PLXNA4: variants seen among roughly 807,000 people sequenced by gnomAD.
The protein encoded by PLXNA4 is plexin-A4.
Under a neutral mutation model 191.8 loss-of-function variants are expected in PLXNA4, and 44 were observed. The observed-to-expected ratio is 0.23, with a 90% CI of 0.18 to 0.29. PLXNA4 has a LOEUF of 0.29. Ranked by LOEUF, PLXNA4 falls within the 10% of genes least tolerant of loss-of-function variation. The pLI is 1.00. For missense variants in PLXNA4, 1,800 were observed against 2,488.8 expected (o/e 0.72, Z 5.89); for synonymous variants, 1,082 against 1,009.5 (o/e 1.07, Z -1.36).
At chr7:132,642,617 C>G (rs891416977) in intron 2 of PLXNA4, among the ~76,000 whole-genome samples, 47 of 152,144 alleles carry the variant, frequency 3.1e-4, no homozygotes, top group Admixed American at 3.1e-3. Flanking sequence ...AGCAGAGATA[C>G]AGGCAGAGGC....
At chr7:132,456,273 G>C (rs1373943518) in intron 3 of PLXNA4, among the ~76,000 whole-genome samples, 3 of 151,990 alleles carry the variant, frequency 2.0e-5, no homozygotes, top group African/African-American at 7.2e-5. Flanking sequence ...CACCATGCCT[G>C]GCTAATTTTT....
chr7:132,240,067 C>T (rs1798826131), intron 5 of PLXNA4, among the ~76,000 whole-genome samples: 1 of 152,188 alleles, frequency 6.6e-6, no homozygotes, highest in Admixed American at 6.5e-5. Flanking sequence ...CCTTCTTATA[C>T]TTGAAAATTA....
Position 132,133,217 on chromosome 7 carries a change from T to A in PLXNA4, c.5439-18A>T, listed in dbSNP as rs2116506055. 6.2e-7 allele frequency: 1 copy of A among 1,613,066 alleles called. No individual in the cohort carries two copies. The highest frequency in any genetic ancestry group is 1.1e-5 in the South Asian group (1 of 90,922). On this transcript the variant is annotated intron_variant, in intron 30 of 31. Transcript: ENST00000321063. The stretch of plus-strand genomic sequence containing the variant: ...AGTAATACCTGTGGAGGGATGGAAA[T>A]AGGGAGAAGCTGAAGTCGTGCATAC...
chr7:132,472,078 C>A (rs1014448654), intron 3 of PLXNA4, among the ~76,000 whole-genome samples: 1 of 152,176 alleles, frequency 6.6e-6, no homozygotes, highest in African/African-American at 2.4e-5. Context: ...TTGCTTGTAA[C>A]CACGCTCCAT....
At chr7:132,253,888 G>A (rs186392847) in intron 4 of PLXNA4, among the ~76,000 whole-genome samples, 10 of 152,310 alleles carry the variant, frequency 6.6e-5, no homozygotes, top group Admixed American at 6.5e-5. Context: ...ATGTGCAGAC[G>A]CTATCACGCA....
intron 4 of PLXNA4, among the ~76,000 whole-genome samples, chr7:132,297,249 C>G (rs965011154): frequency 6.6e-6 from 1 of 152,168 alleles, no homozygotes; most frequent in African/African-American, 2.4e-5. Context: ...AGAGGGGCAG[C>G]TCCCGAGAAT....
intron 2 of PLXNA4, among the ~76,000 whole-genome samples, chr7:132,622,409 G>C (rs1016839380): frequency 3.3e-5 from 5 of 152,144 alleles, no homozygotes; most frequent in African/African-American, 4.8e-5. Context: ...GTGAGGATTA[G>C]CTCATTAAAA....
rs377469207 is a variant in PLXNA4, at chr7:132,164,413, T to G, written c.4354-125A>C. On this transcript the variant is annotated intron_variant, in intron 23 of 31. Coordinates refer to ENST00000321063, the MANE Select transcript of PLXNA4 (RefSeq NM_020911.2). ...TCCCTGCACCTGCCCCCACCTGCTT[T>G]TATACTCAGCTCTTCAATCTCCTTC... 15 of 1,395,534 alleles carry G rather than the reference T, an allele frequency of 1.1e-5. No individual in the cohort carries two copies. The African/African-American group carries it at 2.0e-4, about 19-fold the overall frequency. The allele number at this position is 1,395,534 out of a possible 1,614,324, so 86.4% of individuals were successfully genotyped here. A position where few individuals can be genotyped will look rare whatever the true frequency, so the allele number is the denominator to read the frequency against.
At chr7:132,462,052 T>G (rs560070021) in intron 3 of PLXNA4, among the ~76,000 whole-genome samples, 3 of 152,280 alleles carry the variant, frequency 2.0e-5, no homozygotes, top group African/African-American at 7.2e-5. Context: ...AAAACAGTGT[T>G]TGAAAGGGAT....
chr7:132,440,461 T>C (rs1213329027), intron 3 of PLXNA4, among the ~76,000 whole-genome samples: 2 of 152,200 alleles, frequency 1.3e-5, no homozygotes, highest in Admixed American at 6.5e-5. Flanking sequence ...AGGTAATTTA[T>C]TCTGTGGCAG....
intron 4 of PLXNA4, among the ~76,000 whole-genome samples, chr7:132,292,183 C>T (rs1021733931): frequency 2.6e-5 from 4 of 152,170 alleles, no homozygotes; most frequent in Admixed American, 6.5e-5. Flanking sequence ...AACTGTTTCA[C>T]GACTACTAAA....
chr7:132,248,810 A>G (rs1799146009), intron 4 of PLXNA4, among the ~76,000 whole-genome samples: 2 of 152,224 alleles, frequency 1.3e-5, no homozygotes, highest in African/African-American at 4.8e-5. Context: ...GATGTGCTTC[A>G]GACCCCTTGT....
intron 3 of PLXNA4, among the ~76,000 whole-genome samples, chr7:132,387,652 T>C (rs1805209864): frequency 6.6e-6 from 1 of 152,216 alleles, no homozygotes; most frequent in African/African-American, 2.4e-5. Flanking sequence ...GAGACATTTA[T>C]GAATCCAGTA....
At chr7:132,486,904 G>A (rs1797583682) in intron 3 of PLXNA4, among the ~76,000 whole-genome samples, 1 of 152,116 alleles carries the variant, frequency 6.6e-6, no homozygotes, top group Admixed American at 6.5e-5. Context: ...AGGCTCCTGG[G>A]GGTGTCCTGA....
Position 132,507,608 on chromosome 7 carries a change from C to G in PLXNA4, c.1086G>C (p.Gln362His). 6.2e-7 allele frequency: 1 copy of G among 1,614,208 alleles called. No individual in the cohort carries two copies. The highest frequency in any genetic ancestry group is 8.5e-7 in the Non-Finnish European group (1 of 1,180,034). The change falls in exon 2 of 32, where the codon CAG (glutamine) becomes CAC (histidine). Residue 362 changes from glutamine (Q) to histidine (H), a missense_variant. Gln to His is a conservative substitution (Grantham distance 24, BLOSUM62 0). Coordinates refer to ENST00000321063, the MANE Select transcript of PLXNA4 (RefSeq NM_020911.2). ...ESALCIFILKQINDRIKERLQ... is the reference protein window; with the variant it reads ...ESALCIFILKHINDRIKERLQ... Reference sequence around the variant, plus strand: ...GCCGCTCCTTAATGCGGTCATTTATCTGCTTCAAGATGAAGATGCACAGGG... The same window carrying G: ...GCCGCTCCTTAATGCGGTCATTTATGTGCTTCAAGATGAAGATGCACAGGG...
chr7:132,174,073 T>C (rs1420137747), intron 21 of PLXNA4, among the ~76,000 whole-genome samples: 3 of 152,254 alleles, frequency 2.0e-5, no homozygotes, highest in African/African-American at 7.2e-5. Context: ...TGCTAAGATG[T>C]TAGTAATAGT....
intron 1 of PLXNA4, among the ~76,000 whole-genome samples, chr7:132,570,012 C>T (rs1801903106): frequency 6.6e-6 from 1 of 152,178 alleles, no homozygotes; most frequent in African/African-American, 2.4e-5. Context: ...CAGTGTTTCT[C>T]AGTGGATTCC....
At chr7:132,407,434 G>A (rs1379137389) in intron 3 of PLXNA4, among the ~76,000 whole-genome samples, 1 of 152,188 alleles carries the variant, frequency 6.6e-6, no homozygotes, top group Non-Finnish European at 1.5e-5. Flanking sequence ...ATTTCCTCCA[G>A]GGATGTAGAT....
chr7:132,486,104 T>G lies in PLXNA4; in HGVS notation c.1371+3188A>C, dbSNP rs565606115. Among the ~76,000 whole-genome samples, 60 of 152,160 alleles carry G rather than the reference T, an allele frequency of 3.9e-4. 1 individual carries two copies. The highest frequency in any genetic ancestry group is 1.4e-3 in the African/African-American group (58 of 41,494). ...TCATACCGTAAAGAACTCTGAAAGG[T>G]CCTTGATACACACAGGAGATTATTA... On this transcript the variant is annotated intron_variant, in intron 3 of 31. Transcript: ENST00000321063.
Sources: gnomAD v4.1 joint callset for allele counts (sites outside exome capture counted in the v4.1 genomes callset) on GRCh38, gnomAD v4.1.1 for gene constraint, MANE v1.5 for transcripts, NCBI Gene and HGNC (gene_info 2026-07-23, HGNC 2026-07-21) for gene names.